CNTNAP5: variants seen among roughly 807,000 people sequenced by gnomAD.
CNTNAP5 encodes the protein contactin associated protein family member 5.
CNTNAP5 carries 72 observed loss-of-function variants against 150.2 expected under a neutral mutation model. That is an observed-to-expected ratio of 0.48 (90% CI 0.40 to 0.58). The LOEUF (loss-of-function observed/expected upper bound fraction) is 0.58. Among genes scored for constraint, CNTNAP5 ranks in the 20% least tolerant of loss-of-function variants. The pLI, the probability that CNTNAP5 is intolerant of heterozygous loss-of-function variation, is 0.00. For missense variants in CNTNAP5, 1,636 were observed against 1,626.2 expected (o/e 1.01, Z -0.10); for synonymous variants, 672 against 619.8 (o/e 1.08, Z -1.25).
At chr2:124,179,172 T>G (rs1685142184) in intron 1 of CNTNAP5, among the ~76,000 whole-genome samples, 1 of 151,864 alleles carries the variant, frequency 6.6e-6, no homozygotes, top group Non-Finnish European at 1.5e-5. Context: ...TTTTTTTAAT[T>G]TTGATATGGA....
At chr2:124,127,124 C>T (rs1683725665) in intron 1 of CNTNAP5, among the ~76,000 whole-genome samples, 1 of 152,160 alleles carries the variant, frequency 6.6e-6, no homozygotes, top group Non-Finnish European at 1.5e-5. Flanking sequence ...CAAATTGTCC[C>T]TGTTTGCAGA....
Position 124,739,735 on chromosome 2 carries a change from T to A in CNTNAP5, c.2078-7494T>A, listed in dbSNP as rs540664763. Among the ~76,000 whole-genome samples the A allele has an allele frequency of 4.7e-4, 71 of 152,308 alleles. 1 individual carries two copies. Among genetic ancestry groups the A allele is most frequent in the Admixed American group, 8.5e-4 (13 of 15,300 alleles). On this transcript the variant is annotated intron_variant, in intron 13 of 23. Coordinates refer to ENST00000682447, the MANE Select transcript of CNTNAP5 (RefSeq NM_001367498.1). ...AATTCTTTCTCCACGGCACACTTTGTCGAAGTCCTCCTCAACACCAAGTCT... is the reference window on the plus strand; with the variant it reads ...AATTCTTTCTCCACGGCACACTTTGACGAAGTCCTCCTCAACACCAAGTCT...
intron 3 of CNTNAP5, among the ~76,000 whole-genome samples, chr2:124,363,985 A>G (rs2553630): frequency 0.22 from 33,364 of 152,006 alleles, 3,911 homozygotes; most frequent in Non-Finnish European, 0.25. Flanking sequence ...CTCCTTGGAG[A>G]CTATTGTCAC....
chr2:124,328,141 AT>A (rs150555512), intron 3 of CNTNAP5, among the ~76,000 whole-genome samples: 208 of 148,564 alleles, frequency 1.4e-3, no homozygotes, highest in Middle Eastern at 6.9e-3. Context: ...CCTACAACAC[AT>A]TTTTTTTTTT....
intron 13 of CNTNAP5, among the ~76,000 whole-genome samples, chr2:124,648,209 C>A (rs947530124): frequency 6.6e-6 from 1 of 152,140 alleles, no homozygotes; most frequent in African/African-American, 2.4e-5. Flanking sequence ...CAACACCCAC[C>A]CTGCAACAGT....
At chr2:124,137,147 G>C (rs542036893) in intron 1 of CNTNAP5, among the ~76,000 whole-genome samples, 3 of 151,900 alleles carry the variant, frequency 2.0e-5, no homozygotes, top group African/African-American at 7.3e-5. Context: ...TCACCACCTC[G>C]TACTGCCTAG....
At chr2:124,659,179 GT>G (rs1558723914) in intron 13 of CNTNAP5, among the ~76,000 whole-genome samples, 2 of 152,156 alleles carry the variant, frequency 1.3e-5, no homozygotes, top group Non-Finnish European at 2.9e-5. Flanking sequence ...TAACTTTTTA[GT>G]TTACCTAAGT....
chr2:124,336,122 A>G (rs1333709206), intron 3 of CNTNAP5, among the ~76,000 whole-genome samples: 1 of 152,060 alleles, frequency 6.6e-6, no homozygotes, highest in Non-Finnish European at 1.5e-5. Flanking sequence ...AAGAGCAGAT[A>G]ACAGATTTTA....
chr2:124,058,303 C>T (rs1366166418), intron 1 of CNTNAP5, among the ~76,000 whole-genome samples: 1 of 152,106 alleles, frequency 6.6e-6, no homozygotes, highest in Non-Finnish European at 1.5e-5. Context: ...TCTCTCCAGC[C>T]CCCTTGAAAA....
chr2:124,242,499 C>G, intron 3 of CNTNAP5, 106 bp downstream of exon 3: 1 of 1,052,730 alleles, frequency 9.5e-7, no homozygotes, highest in Non-Finnish European at 1.4e-6. Flanking sequence ...AGTTTAATAA[C>G]TGGTGAGTGC....
intron 3 of CNTNAP5, among the ~76,000 whole-genome samples, chr2:124,369,178 C>G (rs1417972502): frequency 6.6e-6 from 1 of 152,146 alleles, no homozygotes; most frequent in Non-Finnish European, 1.5e-5. Context: ...AGAGCTATCT[C>G]TACCCATCCA....
intron 3 of CNTNAP5, among the ~76,000 whole-genome samples, chr2:124,334,751 T>C (rs1278090505): frequency 2.6e-5 from 4 of 152,154 alleles, no homozygotes; most frequent in Admixed American, 1.3e-4. Flanking sequence ...GACACTATTA[T>C]GTGTTTTTCT....
intron 1 of CNTNAP5, among the ~76,000 whole-genome samples, chr2:124,068,810 T>C (rs1328992400): frequency 2.0e-5 from 3 of 151,804 alleles, no homozygotes; most frequent in African/African-American, 7.3e-5. Context: ...CTGAGGCCCC[T>C]ATCCCAGGCC....
rs1313426257 is a variant in CNTNAP5, at chr2:124,918,685, C to T, written c.*4397C>T. On this transcript the variant is annotated 3_prime_UTR_variant, in exon 24 of 24. Coordinates refer to ENST00000682447, the MANE Select transcript of CNTNAP5 (RefSeq NM_001367498.1). ...AAAACCTCATTGCAGCTGTAGCCTACCAAAAGGCCTTTGGGATACCTGTAT... is the reference window on the plus strand; with the variant it reads ...AAAACCTCATTGCAGCTGTAGCCTATCAAAAGGCCTTTGGGATACCTGTAT... Among the ~76,000 whole-genome samples the T allele has an allele frequency of 6.6e-6, 1 of 152,094 alleles. No individual in the cohort carries two copies. The highest frequency in any genetic ancestry group is 1.5e-5 in the Non-Finnish European group (1 of 67,996).
At chr2:124,055,927 G>C in intron 1 of CNTNAP5, among the ~76,000 whole-genome samples, 1 of 152,110 alleles carries the variant, frequency 6.6e-6, no homozygotes, top group Admixed American at 6.5e-5. Flanking sequence ...CATGTCCACT[G>C]CCATGGCTCT....
chr2:124,228,444 C>T (rs2104749344), intron 2 of CNTNAP5, among the ~76,000 whole-genome samples: 1 of 152,240 alleles, frequency 6.6e-6, no homozygotes, highest in East Asian at 1.9e-4. Context: ...AACTTGACAC[C>T]TAATAGAAAC....
rs189949101 is a variant in CNTNAP5 at position 124,833,728 on chromosome 2, G to A, written c.3218-31578G>A. On this transcript the variant is annotated intron_variant, in intron 19 of 23. Transcript: ENST00000682447. The stretch of plus-strand genomic sequence containing the variant: ...TACATCAAAGCAGAATCACATCAGG[G>A]TTTCAATTCAAGTGTAGATCTGGTT... Among the ~76,000 whole-genome samples, 678 of 152,174 alleles carry A rather than the reference G, an allele frequency of 4.5e-3. 7 individuals carry two copies. The highest frequency in any genetic ancestry group is 0.015 in the African/African-American group (633 of 41,528).
Position 124,775,383 on chromosome 2 carries a change from C to A in CNTNAP5, c.2752+2366C>A, listed in dbSNP as rs532730713. Among the ~76,000 whole-genome samples, 96 of 152,256 alleles carry A rather than the reference C, an allele frequency of 6.3e-4. 1 individual carries two copies. Among genetic ancestry groups the A allele is most frequent in the Non-Finnish European group, 9.0e-4 (61 of 68,008 alleles). ...ATATTTGCTAGGGAGGAAAAGATAT[C>A]ATTGGCGTGTGCTTCTTTACTGGAA... is the stretch of plus-strand genomic sequence containing the variant. On this transcript the variant is annotated intron_variant, in intron 17 of 23. Transcript: ENST00000682447.
intron 20 of CNTNAP5, among the ~76,000 whole-genome samples, chr2:124,867,852 T>G (rs374304598): frequency 6.6e-6 from 1 of 152,326 alleles, no homozygotes; most frequent in East Asian, 1.9e-4. Context: ...CATATCTATA[T>G]GAATATCCGT....
Sources: allele counts gnomAD v4.1 joint callset (sites outside exome capture counted in the v4.1 genomes callset), GRCh38; gene constraint gnomAD v4.1.1; transcripts MANE v1.5; gene names NCBI Gene and HGNC (gene_info 2026-07-23, HGNC 2026-07-21).